Variants in CIBAR2 observed in about 807,000 individuals in gnomAD.
The protein encoded by CIBAR2 is CBY1 interacting BAR domain containing 2, also known as CBY1-interacting BAR domain-containing protein 2.
In CIBAR2, 38 loss-of-function variants were observed where a neutral mutation model predicts 36.2. The observed-to-expected ratio is 1.05, with a 90% confidence interval of 0.81 to 1.38. The LOEUF (loss-of-function observed/expected upper bound fraction) is 1.38, where lower values mean the gene tolerates loss of function less well. CIBAR2 is among the 40% of genes most tolerant of loss of function. The pLI, the probability that CIBAR2 is intolerant of heterozygous loss-of-function variation, is 0.00. For missense variants in CIBAR2, 481 were observed against 383.4 expected, an observed-to-expected ratio of 1.25 and a Z score of -2.13; for synonymous variants, 182 against 149.5, an observed-to-expected ratio of 1.22 and a Z score of -1.58.
rs894161188 is a variant in CIBAR2, at chr16:85,108,180, C to G, written c.256-81G>C. On this transcript the variant is annotated intron_variant, in intron 2 of 8. Coordinates refer to ENST00000539556, the MANE Select transcript of CIBAR2 (RefSeq NM_198491.3). ...CTGGGCATATAAAGCAGAGCCGGCA[C>G]CCGGGAGCCGCGTGTCCAGAGCTGT... 6.6e-6 allele frequency: 9 copies of G among 1,355,788 alleles called. No homozygotes were observed. In the African/African-American group the frequency reaches 1.3e-4, roughly 20 times the overall value. 84.0% of individuals were successfully genotyped at this position (1,355,788 alleles called of 1,614,324 possible). A position where few individuals can be genotyped will look rare whatever the true frequency, so the allele number is the denominator to read the frequency against.
chr16:85,106,893 C>T (rs2074000031), intron 5 of CIBAR2, among the ~76,000 whole-genome samples: 1 of 152,212 alleles, frequency 6.6e-6, no homozygotes, highest in Non-Finnish European at 1.5e-5. Context: ...GGCCTGTAAT[C>T]CCAGCATGTT....
chr16:85,108,013 C>G lies in CIBAR2; in HGVS notation c.324+18G>C. 6.2e-7 allele frequency: 1 copy of G among 1,613,804 alleles called. No individual in the cohort carries two copies. Among genetic ancestry groups the G allele is most frequent in the Non-Finnish European group, 8.5e-7 (1 of 1,179,764 alleles). ...GGCAAGACAGGGATGCCACCCACAC[C>G]GAGGTGCCCCGGCTCACCCGTGTCT... On this transcript the variant is annotated intron_variant, in intron 3 of 8. Transcript: ENST00000539556.
rs1292550896 is a variant in CIBAR2 at position 85,109,976 on chromosome 16, C to T, written c.255+250G>A. On this transcript the variant is annotated intron_variant, in intron 2 of 8. Coordinates refer to ENST00000539556, the MANE Select transcript of CIBAR2 (RefSeq NM_198491.3). ...CTCCTTCGGGGGTTCATGGAGCCCC[C>T]AGGGCTGGCTTCCTGGGTTTCCTTG... Among the ~76,000 whole-genome samples the T allele has an allele frequency of 3.9e-5, 6 of 152,310 alleles. No individual in the cohort carries two copies. The East Asian group carries it at 9.6e-4, about 24-fold the overall frequency.
In CIBAR2 at chr16:85,098,431, T is replaced by C; in HGVS notation, c.*754A>G. The C allele has an allele frequency of 1.6e-6, 1 of 622,320 alleles. No individual in the cohort carries two copies. The highest frequency in any genetic ancestry group is 2.0e-6 in the Non-Finnish European group (1 of 497,594). 38.5% of individuals were successfully genotyped at this position (622,320 alleles called of 1,614,324 possible). A position where few individuals can be genotyped will look rare whatever the true frequency, so the allele number is the denominator to read the frequency against. On this transcript the variant is annotated 3_prime_UTR_variant, in exon 9 of 9. Transcript: ENST00000539556. Reference sequence around the variant, plus strand: ...CGATCCCCCAGAGCAACCTGTGAAGTGAGTGATATTGGCCCTGTTGTACAG... The same window carrying C: ...CGATCCCCCAGAGCAACCTGTGAAGCGAGTGATATTGGCCCTGTTGTACAG...
intron 6 of CIBAR2, 48 bp from the exon 7 acceptor site, chr16:85,102,375 G>A: frequency 8.5e-7 from 1 of 1,176,806 alleles, no homozygotes; most frequent in Non-Finnish European, 1.3e-6. Context: ...GTGAGAAAGA[G>A]CCCAGGGAAG....
Position 85,112,343 on chromosome 16 carries a change from C to A in CIBAR2, c.10G>T (p.Val4Phe), listed in dbSNP as rs141128357. The A allele has an allele frequency of 1.1e-5, 17 of 1,614,060 alleles. No individual in the cohort carries two copies. Among genetic ancestry groups the A allele is most frequent in the East Asian group, 2.2e-5 (1 of 44,870 alleles). The change falls in exon 1 of 9, where the codon GTC (valine) becomes TTC (phenylalanine). Residue 4 changes from valine (V) to phenylalanine (F), a missense_variant. Transcript: ENST00000539556. MNI[V>F]FSRDSQVRVM... ...CGCTGGCCCACTCACCTGGAGAAGA[C>A]GATGTTCATTGTGACCAGAGCTTTG... is the stretch of plus-strand genomic sequence containing the variant.
intron 5 of CIBAR2, 104 bp downstream of exon 5, chr16:85,107,563 C>T: frequency 7.7e-7 from 1 of 1,292,484 alleles, no homozygotes; most frequent in Non-Finnish European, 1.1e-6. Flanking sequence ...CAAGGTCCTG[C>T]ACACACCTGC....
Position 85,110,098 on chromosome 16 carries a change from G to C in CIBAR2, c.255+128C>G, listed in dbSNP as rs953679194. On this transcript the variant is annotated intron_variant, in intron 2 of 8. Transcript: ENST00000539556. Reference sequence around the variant, plus strand: ...GGAAAGGGTGTAAATGTCCATTGTCGGTGGATGTCTCTGGAGACACACCCA... The same window carrying C: ...GGAAAGGGTGTAAATGTCCATTGTCCGTGGATGTCTCTGGAGACACACCCA... 1.4e-5 allele frequency: 9 copies of C among 647,172 alleles called. No individual in the cohort carries two copies. In the East Asian group the frequency reaches 2.3e-4, roughly 17 times the overall value. The allele number at this position is 647,172 out of a possible 1,614,324, so 40.1% of individuals were successfully genotyped here. A position where few individuals can be genotyped will look rare whatever the true frequency, so the allele number is the denominator to read the frequency against.
chr16:85,103,624 C>T (rs1052235927), intron 6 of CIBAR2, among the ~76,000 whole-genome samples: 2 of 152,220 alleles, frequency 1.3e-5, no homozygotes, highest in East Asian at 1.9e-4. Flanking sequence ...TGCTGAATAA[C>T]GTCTGCCGAC....
At chr16:85,109,109 T>G (rs948957817) in intron 2 of CIBAR2, among the ~76,000 whole-genome samples, 3 of 151,868 alleles carry the variant, frequency 2.0e-5, no homozygotes, top group African/African-American at 7.3e-5. Context: ...ATTTTTCCTT[T>G]GGTTAAAGGT....
intron 1 of CIBAR2, among the ~76,000 whole-genome samples, chr16:85,111,495 C>T (rs28760437): frequency 0.15 from 22,234 of 152,130 alleles, 1,666 homozygotes; most frequent in African/African-American, 0.17. Flanking sequence ...CCTAGGCCCC[C>T]GACCCCAGGC....
At chr16:85,106,907 G>T (rs77381973) in intron 5 of CIBAR2, among the ~76,000 whole-genome samples, 2 of 152,116 alleles carry the variant, frequency 1.3e-5, no homozygotes, top group East Asian at 1.9e-4. Context: ...GCATGTTGGA[G>T]GCCTGAGGCA....
At chr16:85,107,711 G>A (rs1014545170) in intron 4 of CIBAR2, 39 bp from the exon 5 acceptor site, 1 of 1,613,610 alleles carries the variant, frequency 6.2e-7, no homozygotes, top group African/African-American at 1.3e-5. Context: ...TTAAGCCCAG[G>A]CAGCCCCGTT....
chr16:85,103,320 A>T (rs3764280), intron 6 of CIBAR2, among the ~76,000 whole-genome samples: 2 of 152,122 alleles, frequency 1.3e-5, no homozygotes, highest in African/African-American at 4.8e-5. Flanking sequence ...CCAGCCTCCA[A>T]CACCGTGAGA....
At chr16:85,102,460 G>C (rs75760369) in intron 6 of CIBAR2, 133 bp from the exon 7 acceptor site, 14,555 of 628,204 alleles carry the variant, frequency 0.023, 281 homozygotes, top group South Asian at 0.061. Flanking sequence ...GGGGAGTTTC[G>C]ACATGTTATT....
At chr16:85,099,373 G>T (rs1428263959) in intron 8 of CIBAR2, 27 bp from the exon 9 acceptor site, 2 of 1,273,196 alleles carry the variant, frequency 1.6e-6, no homozygotes, top group Non-Finnish European at 1.2e-6. Flanking sequence ...GCACCTGATG[G>T]CAGGCCTTCC....
chr16:85,108,594 C>T (rs1295933910), intron 2 of CIBAR2, among the ~76,000 whole-genome samples: 6 of 152,188 alleles, frequency 3.9e-5, no homozygotes, highest in South Asian at 2.1e-4. Flanking sequence ...ACAGTGGGGC[C>T]GGGCGCGATG....
In CIBAR2 at chr16:85,112,376, C is replaced by G. The variant is rs1010447986; in HGVS notation, c.-24G>C. 7 of 1,613,126 alleles carry G rather than the reference C, an allele frequency of 4.3e-6. No individual in the cohort carries two copies. Among genetic ancestry groups the G allele is most frequent in the Non-Finnish European group, 5.9e-6 (7 of 1,179,190 alleles). ...ATTGTGACCAGAGCTTTGGCTGTCC[C>G]GGTGCTGGGGAATAAGGACAGGGCC... On this transcript the variant is annotated 5_prime_UTR_variant, in exon 1 of 9. Coordinates refer to ENST00000539556, the MANE Select transcript of CIBAR2 (RefSeq NM_198491.3).
chr16:85,108,623 A>G (rs914241765), intron 2 of CIBAR2, among the ~76,000 whole-genome samples: 1 of 152,254 alleles, frequency 6.6e-6, no homozygotes, highest in African/African-American at 2.4e-5. Context: ...CTGTAATCCC[A>G]GCACTTTGGG....
Sources: allele counts gnomAD v4.1 joint callset (sites outside exome capture counted in the v4.1 genomes callset), GRCh38; gene constraint gnomAD v4.1.1; transcripts MANE v1.5; gene names NCBI Gene and HGNC (gene_info 2026-07-23, HGNC 2026-07-21).